The following MTRR variants were observed in gnomAD, a reference collection of about 807,000 sequenced individuals.
MTRR encodes the protein methionine synthase reductase.
In MTRR, 63 loss-of-function variants were observed where a neutral mutation model predicts 79.2. That is an observed-to-expected ratio of 0.80 (90% CI 0.65 to 0.98). The LOEUF (loss-of-function observed/expected upper bound fraction) is 0.98. MTRR is among the 50% of genes least tolerant of loss of function. MTRR has a pLI of 0.00. For synonymous variants in MTRR, 355 were observed against 313.3 expected (o/e 1.13, Z -1.41); for missense variants, 895 against 839.6 (o/e 1.07, Z -0.82).
At chr5:7,867,974 A>G, upstream of MTRR, 1 of 1,614,196 alleles carries the variant, frequency 6.2e-7, no homozygotes, top group Non-Finnish European at 8.5e-7. Flanking sequence ...ACGCTCCTTG[A>G]CTACCTTGTG....
At chr5:7,896,655 C>T in intron 12 of MTRR, 2 of 607,154 alleles carry the variant, frequency 3.3e-6, no homozygotes, top group South Asian at 4.0e-5. Flanking sequence ...GATGTAGCTG[C>T]CTCTCCACAC....
At chr5:7,892,630 T>C (rs2126792493) in intron 10 of MTRR, 97 bp from the exon 11 acceptor site, 1 of 1,322,276 alleles carries the variant, frequency 7.6e-7, no homozygotes. Context: ...TTAGAGCCTA[T>C]AAGGAAATAT....
chr5:7,853,690 G>A (rs980940377), intron 1 of MTRR, among the ~76,000 whole-genome samples: 3 of 152,212 alleles, frequency 2.0e-5, no homozygotes, highest in African/African-American at 4.8e-5. Context: ...TTGCCCCAGA[G>A]GATCAACATG....
At chr5:7,895,104 C>T (rs1263892562) in intron 11 of MTRR, among the ~76,000 whole-genome samples, 1 of 152,198 alleles carries the variant, frequency 6.6e-6, no homozygotes, top group Non-Finnish European at 1.5e-5. Flanking sequence ...ATCTTGGTAT[C>T]AGTATGACTT....
chr5:7,884,030 G>GGT (rs1736013470), intron 6 of MTRR, among the ~76,000 whole-genome samples: 1 of 152,208 alleles, frequency 6.6e-6, no homozygotes, highest in Non-Finnish European at 1.5e-5. Context: ...TGGGCATGGT[G>GGT]GTGTGTACCG....
At chr5:7,883,070 C>T in intron 5 of MTRR, 85 bp from the exon 6 acceptor site, 2 of 1,577,500 alleles carry the variant, frequency 1.3e-6, no homozygotes, top group East Asian at 2.2e-5. Context: ...GTTTTGTAAG[C>T]CCCTGTGGAT....
At chr5:7,854,608 A>C (rs1490407483) in intron 1 of MTRR, among the ~76,000 whole-genome samples, 1 of 152,134 alleles carries the variant, frequency 6.6e-6, no homozygotes, top group African/African-American at 2.4e-5. Flanking sequence ...ACCCCTGATA[A>C]AACTATCAGA....
At chr5:7,882,693 T>C (rs1735766591) in intron 5 of MTRR, among the ~76,000 whole-genome samples, 2 of 152,184 alleles carry the variant, frequency 1.3e-5, no homozygotes, top group Admixed American at 1.3e-4. Context: ...ATTAGTTTCT[T>C]AGTGACACTA....
At chr5:7,859,389 C>A in intron 1 of MTRR, 1 of 1,238,592 alleles carries the variant, frequency 8.1e-7, no homozygotes. Flanking sequence ...TACTGAGTTC[C>A]ATAAAAATGC....
chr5:7,883,548 CTTGG>C (rs1735936350), intron 6 of MTRR, among the ~76,000 whole-genome samples: 1 of 149,634 alleles, frequency 6.7e-6, no homozygotes, highest in African/African-American at 2.5e-5. Flanking sequence ...TTGTGTGGTG[CTTGG>C]TTACATATGC....
At chr5:7,876,526 C>G (rs1349664286) in intron 4 of MTRR, among the ~76,000 whole-genome samples, 2 of 152,194 alleles carry the variant, frequency 1.3e-5, no homozygotes, top group African/African-American at 4.8e-5. Flanking sequence ...TTTCAGTAGA[C>G]TATAGTGCTT....
At chr5:7,876,091 A>T (rs1237209538) in intron 4 of MTRR, among the ~76,000 whole-genome samples, 1 of 152,008 alleles carries the variant, frequency 6.6e-6, no homozygotes, top group Admixed American at 6.5e-5. Context: ...TTTAATTTTC[A>T]CTCACTATGT....
chr5:7,869,315 C>G, intron 1 of MTRR, 100 bp downstream of exon 1: 1 of 1,438,914 alleles, frequency 6.9e-7, no homozygotes. Context: ...AGCCGGCTTG[C>G]GCCCGTGGTT....
chr5:7,874,588 CTTTTT>C (rs5865743), intron 3 of MTRR, among the ~76,000 whole-genome samples: 6 of 108,214 alleles, frequency 5.5e-5, no homozygotes, highest in Admixed American at 1.0e-4. Flanking sequence ...GGGATTTAAG[CTTTTT>C]TTTTTTTTTT....
intron 2 of MTRR, among the ~76,000 whole-genome samples, chr5:7,862,443 C>A (rs958962242): frequency 2.0e-5 from 3 of 152,112 alleles, no homozygotes; most frequent in African/African-American, 7.2e-5. Flanking sequence ...CTAGTGGCTA[C>A]TATATTTGGA....
At chr5:7,857,363 C>G (rs1252935450) in intron 1 of MTRR, among the ~76,000 whole-genome samples, 1 of 152,124 alleles carries the variant, frequency 6.6e-6, no homozygotes, top group African/African-American at 2.4e-5. Context: ...TTTGACAAAG[C>G]TTGTCAAATT....
chr5:7,895,030 T>C (rs575943210), intron 11 of MTRR, among the ~76,000 whole-genome samples: 2 of 152,302 alleles, frequency 1.3e-5, no homozygotes, highest in African/African-American at 4.8e-5. Context: ...GTCCTTGAGT[T>C]AAAAGTTAAA....
chr5:7,859,500 C>T, intron 1 of MTRR: 2 of 1,605,878 alleles, frequency 1.2e-6, no homozygotes, highest in Non-Finnish European at 1.7e-6. Context: ...TCCACCAATT[C>T]ACGTCTTGAT....
At chr5:7,893,385 T>G (rs1737965742) in intron 11 of MTRR, 1 of 172,164 alleles carries the variant, frequency 5.8e-6, no homozygotes, top group Non-Finnish European at 1.3e-5. Flanking sequence ...CGCATCCCTG[T>G]TTTTCTGCTT....
Sources: allele counts gnomAD v4.1 joint callset (sites outside exome capture counted in the v4.1 genomes callset), GRCh38; gene constraint gnomAD v4.1.1; transcripts MANE v1.5; gene names NCBI Gene and HGNC (gene_info 2026-07-23, HGNC 2026-07-21).